RFPL1: variants seen among roughly 807,000 people sequenced by gnomAD.
The protein encoded by RFPL1 is ret finger protein-like 1.
Under a neutral mutation model 9.6 loss-of-function variants are expected in RFPL1, and 6 were observed. That is an observed-to-expected ratio of 0.62 (90% CI 0.34 to 1.23). The LOEUF (loss-of-function observed/expected upper bound fraction) is 1.23, where lower values mean the gene tolerates loss of function less well. Among genes scored for constraint, RFPL1 ranks in the 50% most tolerant of loss-of-function variants. The pLI is 0.03. For synonymous variants in RFPL1, 145 were observed against 149.4 expected (o/e 0.97, Z 0.22); for missense variants, 352 against 398.4 (o/e 0.88, Z 0.99).
At chr22:29,440,103 G>A (rs2062830866) in intron 1 of RFPL1, 1 of 152,192 alleles carries the variant, frequency 6.6e-6, no homozygotes, top group African/African-American at 2.4e-5. Context: ...TGGTCAGCCT[G>A]GGCAAAGAAT....
chr22:29,438,999 G>A, exon 1 of RFPL1: 2 of 1,614,026 alleles, frequency 1.2e-6, no homozygotes, highest in Non-Finnish European at 1.7e-6. Context: ...ACTGCAGAAG[G>A]AGCCCCATGG....
chr22:29,390,597 T>TATTC, the RFPL1 span, among the ~76,000 whole-genome samples: 1 of 151,348 alleles, frequency 6.6e-6, no homozygotes, highest in South Asian at 2.1e-4. Flanking sequence ...TTTATTTATT[T>TATTC]ATTTATTTAT....
At chr22:29,437,953 A>ATTTT (rs3044138), upstream of RFPL1, 319 of 264,038 alleles carry the variant, frequency 1.2e-3, no homozygotes, top group South Asian at 3.3e-3. Flanking sequence ...GAAGGATGTG[A>ATTTT]TTTTTTTTTT....
At chr22:29,402,753 G>A in the RFPL1 span, among the ~76,000 whole-genome samples, 2 of 145,390 alleles carry the variant, frequency 1.4e-5, no homozygotes, top group African/African-American at 5.4e-5. Context: ...TAGTAACCAG[G>A]GTTTTCCATT....
chr22:29,406,115 C>CAAAAAA, the RFPL1 span, among the ~76,000 whole-genome samples: 9 of 9,750 alleles, frequency 9.2e-4, no homozygotes, highest in Non-Finnish European at 1.6e-3. Context: ...GACTCCTTCT[C>CAAAAAA]AAAAAAAAAA....
chr22:29,388,475 A>G, the RFPL1 span: 7 of 152,134 alleles, frequency 4.6e-5, no homozygotes, highest in African/African-American at 1.7e-4. Context: ...CTTGGCACCA[A>G]AATGTCCGCG....
chr22:29,404,945 G>C, the RFPL1 span, among the ~76,000 whole-genome samples: 1 of 152,078 alleles, frequency 6.6e-6, no homozygotes, highest in African/African-American at 2.4e-5. Context: ...GCCCAGGCTG[G>C]TCTCAAACTT....
the RFPL1 span, among the ~76,000 whole-genome samples, chr22:29,419,763 C>T: frequency 6.7e-6 from 1 of 148,386 alleles, no homozygotes; most frequent in Non-Finnish European, 1.5e-5. Context: ...GACACCACTA[C>T]ACTCCAGCCT....
the RFPL1 span, among the ~76,000 whole-genome samples, chr22:29,404,759 C>T: frequency 6.6e-6 from 1 of 152,170 alleles, no homozygotes; most frequent in African/African-American, 2.4e-5. Flanking sequence ...CAGGGTCTTG[C>T]TTTGTCACCC....
At chr22:29,438,800 G>A in exon 1 of RFPL1, 2 of 1,613,126 alleles carry the variant, frequency 1.2e-6, no homozygotes, top group Non-Finnish European at 1.7e-6. Context: ...GCATGAAAAG[G>A]TTGTCACTTG....
upstream of RFPL1, among the ~76,000 whole-genome samples, chr22:29,434,246 A>G (rs1340973765): frequency 6.6e-6 from 1 of 152,238 alleles, no homozygotes; most frequent in East Asian, 1.9e-4. Flanking sequence ...TGATTTTGAG[A>G]GTAAACAACA....
chr22:29,406,576 G>A, the RFPL1 span, among the ~76,000 whole-genome samples: 3 of 152,216 alleles, frequency 2.0e-5, no homozygotes, highest in African/African-American at 4.8e-5. Context: ...AAAGGTATCT[G>A]CCTGCACAGT....
chr22:29,423,513 A>C, the RFPL1 span, among the ~76,000 whole-genome samples: 1 of 152,098 alleles, frequency 6.6e-6, no homozygotes, highest in East Asian at 1.9e-4. Flanking sequence ...ACCACACCTG[A>C]TCCCATCAAA....
chr22:29,397,381 G>A, the RFPL1 span, among the ~76,000 whole-genome samples: 8 of 152,240 alleles, frequency 5.3e-5, no homozygotes, highest in Middle Eastern at 3.4e-3. Context: ...TCCTTAGAGC[G>A]TGAGGTCTCC....
chr22:29,427,593 A>G, the RFPL1 span, among the ~76,000 whole-genome samples: 1 of 152,168 alleles, frequency 6.6e-6, no homozygotes, highest in Non-Finnish European at 1.5e-5. Flanking sequence ...TTGGAATCCC[A>G]CTGGGCCCAA....
the RFPL1 span, among the ~76,000 whole-genome samples, chr22:29,406,186 A>G: frequency 6.8e-6 from 1 of 147,462 alleles, no homozygotes; most frequent in Non-Finnish European, 1.5e-5. Context: ...ATGAGCTGGA[A>G]AGCATCATGC....
At chr22:29,392,434 G>T in the RFPL1 span, among the ~76,000 whole-genome samples, 1 of 128,716 alleles carries the variant, frequency 7.8e-6, no homozygotes, top group East Asian at 2.2e-4. Flanking sequence ...CCGTCACTCA[G>T]GCTGGAGTGC....
chr22:29,439,007 T>A (rs1291815879), exon 1 of RFPL1: 1 of 1,613,912 alleles, frequency 6.2e-7, no homozygotes, highest in African/African-American at 1.3e-5. Context: ...AGGAGCCCCA[T>A]GGGGAGGATC....
chr22:29,401,618 T>C, the RFPL1 span, among the ~76,000 whole-genome samples: 1 of 152,188 alleles, frequency 6.6e-6, no homozygotes, highest in Non-Finnish European at 1.5e-5. Context: ...ATCACAAAAC[T>C]TTTCCTTCCA....
Sources: gnomAD v4.1 joint callset for allele counts (sites outside exome capture counted in the v4.1 genomes callset) on GRCh38, gnomAD v4.1.1 for gene constraint, MANE v1.5 for transcripts, NCBI Gene and HGNC (gene_info 2026-07-23, HGNC 2026-07-21) for gene names.